Variants in IQCK observed in about 807,000 individuals in gnomAD.
IQCK encodes IQ motif containing K, also known as IQ domain-containing protein K.
Under a neutral mutation model 28.1 loss-of-function variants are expected in IQCK, and 29 were observed. The ratio of observed to expected loss-of-function variants is 1.03; its 90% confidence interval spans 0.77 to 1.41. The LOEUF (loss-of-function observed/expected upper bound fraction) is 1.41. IQCK is among the 40% of genes most tolerant of loss of function. The pLI, the probability that IQCK is intolerant of heterozygous loss-of-function variation, is 0.00. For missense variants in IQCK, 359 were observed against 314.7 expected, an observed-to-expected ratio of 1.14 and a Z score of -1.07; for synonymous variants, 113 against 115.1, an observed-to-expected ratio of 0.98 and a Z score of 0.12.
intron 7 of IQCK, among the ~76,000 whole-genome samples, chr16:19,813,233 C>T (rs540843651): frequency 3.9e-5 from 6 of 152,216 alleles, no homozygotes; most frequent in Admixed American, 3.9e-4. Flanking sequence ...GAAGGTCCAA[C>T]CTAAGTCTAA....
intron 4 of IQCK, among the ~76,000 whole-genome samples, chr16:19,739,812 C>T (rs1176610117): frequency 6.6e-6 from 1 of 150,860 alleles, no homozygotes; most frequent in Non-Finnish European, 1.5e-5. Context: ...GAGACCCTGT[C>T]TCAAAAAAAA....
chr16:19,806,674 G>A (rs1387238515), intron 7 of IQCK, among the ~76,000 whole-genome samples: 2 of 151,950 alleles, frequency 1.3e-5, no homozygotes, highest in African/African-American at 4.8e-5. Flanking sequence ...GGGTGACAGA[G>A]CAAGACCCTG....
intron 9 of IQCK, among the ~76,000 whole-genome samples, chr16:19,843,821 AC>A (rs1244453357): frequency 6.6e-6 from 1 of 152,034 alleles, no homozygotes; most frequent in Non-Finnish European, 1.5e-5. Context: ...TCAGGTATAT[AC>A]CCTTAACCTT....
At chr16:19,838,335 C>T (rs555053678) in intron 9 of IQCK, among the ~76,000 whole-genome samples, 1 of 152,128 alleles carries the variant, frequency 6.6e-6, no homozygotes, top group African/African-American at 2.4e-5. Flanking sequence ...GGCATGAATT[C>T]GGTATTTGGC....
rs569118173 is a variant in IQCK at position 19,780,848 on chromosome 16, C to T, written c.606-7990C>T. On this transcript the variant is annotated intron_variant, in intron 6 of 7. Coordinates refer to ENST00000564186, the Ensembl canonical transcript of IQCK. ...TGTTATTTACTGCATAATTTAGAAG[C>T]GCATATATTACTATATCAGCAGCTC... Among the ~76,000 whole-genome samples the T allele has an allele frequency of 5.3e-5, 8 of 152,264 alleles. No individual in the cohort carries two copies. In the South Asian group the frequency reaches 6.2e-4, roughly 12 times the overall value.
chr16:19,725,136 T>G (rs1186417592), intron 1 of IQCK, among the ~76,000 whole-genome samples: 1 of 152,256 alleles, frequency 6.6e-6, no homozygotes, highest in Non-Finnish European at 1.5e-5. Context: ...TAATGCCATT[T>G]ATAACCTTTG....
chr16:19,760,053 C>T (rs2055114373), intron 4 of IQCK, among the ~76,000 whole-genome samples: 1 of 152,126 alleles, frequency 6.6e-6, no homozygotes, highest in Non-Finnish European at 1.5e-5. Context: ...TGCTTGAGCC[C>T]AGGAGTTTGA....
At chr16:19,803,793 C>T (rs1024482287) in intron 7 of IQCK, among the ~76,000 whole-genome samples, 1 of 152,232 alleles carries the variant, frequency 6.6e-6, no homozygotes, top group Non-Finnish European at 1.5e-5. Flanking sequence ...GATAGGGCTA[C>T]AGTTGTACAC....
At chr16:19,743,527 T>C (rs1037990058) in intron 4 of IQCK, among the ~76,000 whole-genome samples, 1 of 152,234 alleles carries the variant, frequency 6.6e-6, no homozygotes, top group East Asian at 1.9e-4. Context: ...GTGCCAGATG[T>C]CATTCTAAGC....
At chr16:19,719,670 ATTT>A (rs1204084614) in intron 1 of IQCK, among the ~76,000 whole-genome samples, 2 of 126,596 alleles carry the variant, frequency 1.6e-5, no homozygotes, top group Non-Finnish European at 1.6e-5. Context: ...TTGGACTCAA[ATTT>A]TTTTTTTTTT....
At chr16:19,817,902 TTGAC>T (rs1366718330) in intron 7 of IQCK, among the ~76,000 whole-genome samples, 6 of 152,202 alleles carry the variant, frequency 3.9e-5, no homozygotes, top group Non-Finnish European at 8.8e-5. Context: ...AAGAAAGAAT[TTGAC>T]TGTGATAAAA....
At chr16:19,844,303 T>G (rs1227556952) in intron 9 of IQCK, among the ~76,000 whole-genome samples, 1 of 152,174 alleles carries the variant, frequency 6.6e-6, no homozygotes, top group Non-Finnish European at 1.5e-5. Context: ...GGTGTTGAAC[T>G]CCTGACCTCA....
At chr16:19,849,423 T>C (rs1408592810) in intron 9 of IQCK, among the ~76,000 whole-genome samples, 1 of 152,044 alleles carries the variant, frequency 6.6e-6, no homozygotes, top group Admixed American at 6.6e-5. Context: ...GAGTCACTTG[T>C]TCTAAAAAAA....
downstream of IQCK, chr16:19,827,208 A>C: frequency 9.2e-7 from 1 of 1,087,990 alleles, no homozygotes; most frequent in Non-Finnish European, 1.4e-6. Flanking sequence ...CTCAAGAAGG[A>C]GGCCCTCTGA....
At chr16:19,732,087 A>C (rs1204821946) in intron 2 of IQCK, among the ~76,000 whole-genome samples, 1 of 152,170 alleles carries the variant, frequency 6.6e-6, no homozygotes, top group Non-Finnish European at 1.5e-5. Flanking sequence ...GCCTTCCTCA[A>C]CGTTTTGTTC....
chr16:19,772,645 C>T (rs976157982), intron 6 of IQCK, among the ~76,000 whole-genome samples: 2 of 152,162 alleles, frequency 1.3e-5, no homozygotes, highest in Non-Finnish European at 2.9e-5. Context: ...TTGATGGACA[C>T]ATGGATTCCT....
intron 6 of IQCK, among the ~76,000 whole-genome samples, chr16:19,786,216 T>C (rs983437306): frequency 7.2e-5 from 11 of 152,072 alleles, no homozygotes; most frequent in South Asian, 2.1e-4. Flanking sequence ...AACTGAGATA[T>C]AGAGAATCAG....
At chr16:19,775,096 G>T (rs921451635) in intron 6 of IQCK, among the ~76,000 whole-genome samples, 2 of 151,922 alleles carry the variant, frequency 1.3e-5, no homozygotes, top group Non-Finnish European at 2.9e-5. Flanking sequence ...GCGTGGTGGT[G>T]TGTGCCTGTA....
At position 19,763,461 on chromosome 16, in the gene IQCK, G is replaced by A. The variant is rs771327383; in HGVS notation, c.475-387G>A. 8.4e-4 allele frequency among the ~76,000 whole-genome samples: 127 copies of A among 151,968 alleles called. 2 individuals are homozygous for A. The highest frequency in any genetic ancestry group is 3.5e-4 in the Non-Finnish European group (24 of 67,962). On this transcript the variant is annotated intron_variant, in intron 4 of 7. Coordinates refer to ENST00000564186, the Ensembl canonical transcript of IQCK. Reference sequence around the variant, plus strand: ...GTGTTAAGTTTCTTTTGTTTTTTTTGAGACACAGTCTCACCCTATTGCCCA... The same window carrying A: ...GTGTTAAGTTTCTTTTGTTTTTTTTAAGACACAGTCTCACCCTATTGCCCA...
Sources: allele counts gnomAD v4.1 joint callset (sites outside exome capture counted in the v4.1 genomes callset), GRCh38; gene constraint gnomAD v4.1.1; transcripts MANE v1.5; gene names NCBI Gene and HGNC (gene_info 2026-07-23, HGNC 2026-07-21).